The following ATP2B2 variants were observed in gnomAD, a reference collection of about 807,000 sequenced individuals.
The protein encoded by ATP2B2 is ATPase plasma membrane Ca2+ transporting 2.
ATP2B2 carries 15 observed loss-of-function variants against 120.0 expected under a neutral mutation model. The observed-to-expected ratio is 0.12, with a 90% CI of 0.08 to 0.19. The LOEUF is 0.19. Among genes scored for constraint, ATP2B2 ranks in the 10% least tolerant of loss-of-function variants. The pLI, the probability that ATP2B2 is intolerant of heterozygous loss-of-function variation, is 1.00. For synonymous variants in ATP2B2, 694 were observed against 700.3 expected, an observed-to-expected ratio of 0.99 and a Z score of 0.14; for missense variants, 1,045 against 1,719.8, an observed-to-expected ratio of 0.61 and a Z score of 6.94.
chr3:10,392,942 G>T (rs945182476), intron 5 of ATP2B2, among the ~76,000 whole-genome samples: 1 of 152,350 alleles, frequency 6.6e-6, no homozygotes, highest in Middle Eastern at 3.4e-3. Context: ...GGAAGAAGAG[G>T]GTGTGGAGAG....
At chr3:10,423,963 G>A (rs1450402626) in intron 2 of ATP2B2, among the ~76,000 whole-genome samples, 2 of 152,176 alleles carry the variant, frequency 1.3e-5, no homozygotes, top group Admixed American at 6.5e-5. Context: ...ATCCCTTTGA[G>A]CTCAAATGTT....
At chr3:10,632,799 C>T (rs986863356) in intron 1 of ATP2B2, among the ~76,000 whole-genome samples, 1 of 152,328 alleles carries the variant, frequency 6.6e-6, no homozygotes, top group Non-Finnish European at 1.5e-5. Flanking sequence ...GCTGTGTCCC[C>T]GCAATGTTAC....
chr3:10,370,277 T>C (rs536390332), intron 12 of ATP2B2, among the ~76,000 whole-genome samples: 1 of 152,362 alleles, frequency 6.6e-6, no homozygotes, highest in South Asian at 2.1e-4. Flanking sequence ...CCCACAGGGC[T>C]GTGCCCACAT....
Position 10,357,824 on chromosome 3 carries a change from A to G in ATP2B2, c.2136+867T>C, listed in dbSNP as rs370496633. ...AGCTGACTCACTCCGCCTGCCATGCACCGTTTTGGAGATTCAGGACAGCTT... is the reference window on the plus strand; with the variant it reads ...AGCTGACTCACTCCGCCTGCCATGCGCCGTTTTGGAGATTCAGGACAGCTT... On this transcript the variant is annotated intron_variant, in intron 14 of 22. Transcript: ENST00000360273. 1.2e-4 allele frequency among the ~76,000 whole-genome samples: 18 copies of G among 152,176 alleles called. No individual in the cohort carries two copies. The Middle Eastern group carries it at 0.014, about 115-fold the overall frequency.
At chr3:10,341,804 A>T (rs918069655) in intron 19 of ATP2B2, among the ~76,000 whole-genome samples, 1 of 152,230 alleles carries the variant, frequency 6.6e-6, no homozygotes, top group African/African-American at 2.4e-5. Context: ...AGTTCTGCAT[A>T]TAAGTGGCTT....
intron 9 of ATP2B2, 34 bp from the exon 10 acceptor site, chr3:10,378,444 C>T: frequency 6.3e-7 from 1 of 1,599,058 alleles, no homozygotes; most frequent in Non-Finnish European, 8.5e-7. Context: ...TGCATACACA[C>T]AGACACATAG....
chr3:10,427,179 T>C (rs2063172132), intron 2 of ATP2B2, among the ~76,000 whole-genome samples: 1 of 152,212 alleles, frequency 6.6e-6, no homozygotes, highest in African/African-American at 2.4e-5. Context: ...CAATCCCTGG[T>C]CCAGGATTTC....
chr3:10,413,400 T>G (rs1433616716), intron 2 of ATP2B2, among the ~76,000 whole-genome samples: 1 of 152,214 alleles, frequency 6.6e-6, no homozygotes, highest in Non-Finnish European at 1.5e-5. Context: ...GCCTGCTTGT[T>G]GGTGCAGGCA....
At chr3:10,690,021 G>A (rs1046031975) in intron 1 of ATP2B2, among the ~76,000 whole-genome samples, 3 of 152,170 alleles carry the variant, frequency 2.0e-5, no homozygotes, top group Non-Finnish European at 4.4e-5. Flanking sequence ...CCAGTCCACC[G>A]CCTATCCCTG....
intron 2 of ATP2B2, among the ~76,000 whole-genome samples, chr3:10,569,866 C>T (rs2068085755): frequency 6.6e-6 from 1 of 152,186 alleles, no homozygotes; most frequent in Non-Finnish European, 1.5e-5. Flanking sequence ...CCTACTGGCT[C>T]TATTTGCCTA....
chr3:10,394,344 C>T (rs139564896), intron 5 of ATP2B2: 1 of 442,532 alleles, frequency 2.3e-6, no homozygotes, highest in East Asian at 7.2e-5. Context: ...AGGCAGTAGG[C>T]AAAGTGTCCC....
intron 2 of ATP2B2, among the ~76,000 whole-genome samples, chr3:10,615,334 C>T (rs76622632): frequency 0.023 from 3,528 of 152,190 alleles, 125 homozygotes; most frequent in African/African-American, 0.078. Context: ...TGGTGGTGAC[C>T]TGGATTTTGT....
chr3:10,694,629 T>C (rs928937953), intron 1 of ATP2B2, among the ~76,000 whole-genome samples: 3 of 152,216 alleles, frequency 2.0e-5, no homozygotes, highest in African/African-American at 7.2e-5. Flanking sequence ...CAGCAGAGTA[T>C]ATGGCACCTA....
At chr3:10,348,772 C>G (rs2060497023) in intron 16 of ATP2B2, among the ~76,000 whole-genome samples, 1 of 152,232 alleles carries the variant, frequency 6.6e-6, no homozygotes, top group South Asian at 2.1e-4. Flanking sequence ...GCAGGGACCA[C>G]TTATTCAATG....
chr3:10,328,545 CAGGAAGGGCTT>C lies in ATP2B2; in HGVS notation c.*258_*268del. The C allele has an allele frequency of 2.1e-6, 1 of 472,634 alleles. No individual in the cohort carries two copies. Among genetic ancestry groups the C allele is most frequent in the Non-Finnish European group, 3.8e-6 (1 of 264,942 alleles). 29.3% of individuals were successfully genotyped at this position (472,634 alleles called of 1,614,324 possible). A position where few individuals can be genotyped will look rare whatever the true frequency, so the allele number is the denominator to read the frequency against. On this transcript the variant is annotated 3_prime_UTR_variant, in exon 23 of 23. Transcript: ENST00000360273. ...GGCTGGTCCATGTCTGGGTGGGAGC[CAGGAAGGGCTT>C]GTTTTGGGAAAACCGCTCACTCCCG... is the stretch of plus-strand genomic sequence containing the variant.
intron 3 of ATP2B2, among the ~76,000 whole-genome samples, chr3:10,524,616 A>T (rs2067053218): frequency 6.6e-6 from 1 of 152,146 alleles, no homozygotes; most frequent in African/African-American, 2.4e-5. Flanking sequence ...CAACTAATTC[A>T]TCATCTCCCC....
intron 1 of ATP2B2, among the ~76,000 whole-genome samples, chr3:10,685,766 T>TAA (rs143737963): frequency 0.018 from 2,765 of 152,314 alleles, 69 homozygotes; most frequent in East Asian, 0.082. Flanking sequence ...AGCAGGGACT[T>TAA]ATGCCTGAAC....
At chr3:10,608,930 G>A (rs2069154220) in intron 2 of ATP2B2, among the ~76,000 whole-genome samples, 1 of 152,156 alleles carries the variant, frequency 6.6e-6, no homozygotes. Flanking sequence ...TAAAAAATGA[G>A]GGAAAGAGCT....
At chr3:10,373,087 A>G (rs1445034422) in intron 11 of ATP2B2, among the ~76,000 whole-genome samples, 3 of 152,262 alleles carry the variant, frequency 2.0e-5, no homozygotes, top group African/African-American at 4.8e-5. Flanking sequence ...TTCTCCTACT[A>G]TAACTTGTGA....
Sources: gnomAD v4.1 joint callset for allele counts (sites outside exome capture counted in the v4.1 genomes callset) on GRCh38, gnomAD v4.1.1 for gene constraint, MANE v1.5 for transcripts, NCBI Gene and HGNC (gene_info 2026-07-23, HGNC 2026-07-21) for gene names.